OPHN1: variants seen among roughly 807,000 people sequenced by gnomAD.
OPHN1 encodes oligophrenin 1.
A neutral mutation model predicts 60.7 loss-of-function variants in OPHN1; 11 were observed. That is an observed-to-expected ratio of 0.18 (90% CI 0.11 to 0.30). The LOEUF is 0.30. Ranked by LOEUF, OPHN1 falls within the 10% of genes least tolerant of loss-of-function variation. OPHN1 has a pLI of 1.00. For missense variants in OPHN1, 449 were observed against 611.0 expected (o/e 0.73, Z 2.80); for synonymous variants, 226 against 222.6 (o/e 1.02, Z -0.14).
At chrX:68,053,949 T>A (rs962741576) in intron 21 of OPHN1, 139 bp from the exon 22 acceptor site, 4 of 189,608 alleles carry the variant, frequency 2.1e-5, no homozygotes, top group Non-Finnish European at 3.1e-5. Flanking sequence ...ACTCTGGCTA[T>A]TTTTTTTTTT....
At chrX:68,184,376 G>C (rs1430961599) in intron 15 of OPHN1, among the ~76,000 whole-genome samples, 1 of 108,874 alleles carries the variant, frequency 9.2e-6, no homozygotes, top group Non-Finnish European at 1.9e-5. Flanking sequence ...ACAAAAATTA[G>C]CCAGGTGTGG....
intron 2 of OPHN1, among the ~76,000 whole-genome samples, chrX:68,340,097 T>C (rs1345714472): frequency 8.9e-6 from 1 of 112,319 alleles, no homozygotes; most frequent in African/African-American, 3.2e-5. Context: ...TCCATGTTCA[T>C]GTATCAGAAC....
Position 68,195,391 on chromosome X carries a change from C to G in OPHN1, c.1105-893G>C, listed in dbSNP as rs16990536. Among the ~76,000 whole-genome samples, 747 of 112,184 alleles carry G rather than the reference C, an allele frequency of 6.7e-3. 7 individuals are homozygous for G. Among genetic ancestry groups the G allele is most frequent in the African/African-American group, 0.023 (715 of 30,915 alleles). Reference sequence around the variant, plus strand: ...TGTCTGTGTTGTCTTGGAGTATGTGCTGTGATAGCTATGTGAGAGACCAGA... The same window carrying G: ...TGTCTGTGTTGTCTTGGAGTATGTGGTGTGATAGCTATGTGAGAGACCAGA... On this transcript the variant is annotated intron_variant, in intron 12 of 24. Coordinates refer to ENST00000355520, the MANE Select transcript of OPHN1 (RefSeq NM_002547.3).
intron 5 of OPHN1, among the ~76,000 whole-genome samples, chrX:68,238,506 G>T (rs1251224093): frequency 9.1e-6 from 1 of 110,486 alleles, no homozygotes; most frequent in Non-Finnish European, 1.9e-5. Context: ...ATTAACATCT[G>T]TATAATATTA....
chrX:68,120,555 T>G (rs1023440733), intron 15 of OPHN1, among the ~76,000 whole-genome samples: 1 of 111,864 alleles, frequency 8.9e-6, no homozygotes, highest in African/African-American at 3.2e-5. Context: ...TGTTAAAATG[T>G]CCATACTTCC....
intron 20 of OPHN1, among the ~76,000 whole-genome samples, chrX:68,067,101 AATT>A (rs1439448769): frequency 8.9e-6 from 1 of 111,831 alleles, no homozygotes; most frequent in Non-Finnish European, 1.9e-5. Flanking sequence ...GAAATAAATC[AATT>A]ATTATAATAC....
intron 7 of OPHN1, 24 bp downstream of exon 7, chrX:68,213,838 C>A: frequency 1.1e-6 from 1 of 890,340 alleles, no homozygotes; most frequent in Non-Finnish European, 1.6e-6. Flanking sequence ...ATTTTTAGAC[C>A]ATTCATCAAC....
chrX:68,287,193 AGGGAGGGAGGAG>A (rs1261289345), intron 3 of OPHN1, among the ~76,000 whole-genome samples: 2 of 61,447 alleles, frequency 3.3e-5, no homozygotes, highest in African/African-American at 2.1e-4. Context: ...AAGAAAAGGG[AGGGAGGGAGGAG>A]AAGGGGAAGG....
intron 16 of OPHN1, among the ~76,000 whole-genome samples, chrX:68,114,985 A>T (rs779491338): frequency 9.0e-6 from 1 of 111,466 alleles, no homozygotes; most frequent in African/African-American, 3.3e-5. Flanking sequence ...TCAGAGAAGC[A>T]GATGTGAAAA....
At chrX:68,258,290 G>A (rs2147560608) in intron 5 of OPHN1, among the ~76,000 whole-genome samples, 1 of 108,790 alleles carries the variant, frequency 9.2e-6, no homozygotes, top group African/African-American at 3.4e-5. Context: ...GGGTACATGT[G>A]TACAACGTGC....
intron 2 of OPHN1, among the ~76,000 whole-genome samples, chrX:68,320,217 T>A (rs2078228974): frequency 9.0e-6 from 1 of 110,512 alleles, no homozygotes; most frequent in Non-Finnish European, 1.9e-5. Context: ...GGCATGGTGT[T>A]GGGCGCCTGT....
At chrX:68,224,924 ATCGCC>A (rs2077682459) in intron 6 of OPHN1, among the ~76,000 whole-genome samples, 1 of 112,252 alleles carries the variant, frequency 8.9e-6, no homozygotes, top group Admixed American at 9.4e-5. Context: ...AGGGCAGGGC[ATCGCC>A]TCACCCTGGA....
At chrX:68,089,773 C>T (rs2077009464) in intron 19 of OPHN1, among the ~76,000 whole-genome samples, 1 of 111,549 alleles carries the variant, frequency 9.0e-6, no homozygotes, top group African/African-American at 3.3e-5. Flanking sequence ...TTTGGACATG[C>T]TTATTCACCT....
At chrX:68,433,590 C>T (rs1201533988), upstream of OPHN1, 1 of 293,197 alleles carries the variant, frequency 3.4e-6, no homozygotes, top group East Asian at 4.8e-5. Flanking sequence ...GAGGACCAAA[C>T]CGGAGCGCTC....
intron 15 of OPHN1, chrX:68,132,851 G>A (rs997977059): frequency 7.4e-6 from 2 of 270,628 alleles, no homozygotes; most frequent in African/African-American, 5.6e-5. Flanking sequence ...CCCGGTCCCT[G>A]GCCCGTCAGC....
Position 68,358,139 on chromosome X carries a change from A to T in OPHN1, c.155-59043T>A, listed in dbSNP as rs181386783. 5.2e-3 allele frequency among the ~76,000 whole-genome samples: 563 copies of T among 107,502 alleles called. 1 individual carries two copies. The highest frequency in any genetic ancestry group is 9.1e-3 in the Non-Finnish European group (477 of 52,253). The allele number at this position is 107,502 out of a possible 115,157, so 93.4% of individuals were successfully genotyped here. A position where few individuals can be genotyped will look rare whatever the true frequency, so the allele number is the denominator to read the frequency against. On this transcript the variant is annotated intron_variant, in intron 2 of 24. Transcript: ENST00000355520. Reference sequence around the variant, plus strand: ...AACCCCATCTCTACTAAAAAAAAAAAAATAATAAAATAAAATAAAATAAAA... The same window carrying T: ...AACCCCATCTCTACTAAAAAAAAAATAATAATAAAATAAAATAAAATAAAA...
At chrX:68,237,264 C>T (rs2077757585) in intron 5 of OPHN1, among the ~76,000 whole-genome samples, 1 of 112,688 alleles carries the variant, frequency 8.9e-6, no homozygotes, top group Non-Finnish European at 1.9e-5. Flanking sequence ...GAATTACAGG[C>T]GTGAGCCACA....
chrX:68,359,588 G>A (rs1475659594), intron 2 of OPHN1, among the ~76,000 whole-genome samples: 1 of 110,882 alleles, frequency 9.0e-6, no homozygotes, highest in Non-Finnish European at 1.9e-5. Context: ...CGGGTGCAGT[G>A]ACTCAAGCCT....
chrX:68,287,632 T>C (rs765681142), intron 3 of OPHN1, among the ~76,000 whole-genome samples: 3 of 112,113 alleles, frequency 2.7e-5, no homozygotes, highest in Non-Finnish European at 5.6e-5. Context: ...CCATGGCTGC[T>C]AGAATGGTGG....
Sources: allele counts gnomAD v4.1 joint callset (sites outside exome capture counted in the v4.1 genomes callset), GRCh38; gene constraint gnomAD v4.1.1; transcripts MANE v1.5; gene names NCBI Gene and HGNC (gene_info 2026-07-23, HGNC 2026-07-21).